Variants in PGS1 observed in about 807,000 individuals in gnomAD.
PGS1 encodes the protein phosphatidylglycerophosphate synthase 1.
PGS1 carries 44 observed loss-of-function variants against 58.3 expected under a neutral mutation model. That is an observed-to-expected ratio of 0.75 (90% CI 0.59 to 0.97). PGS1 has a LOEUF of 0.97. PGS1 is among the 50% of genes least tolerant of loss of function. The pLI, the probability that PGS1 is intolerant of heterozygous loss-of-function variation, is 0.00. For synonymous variants in PGS1, 330 were observed against 311.0 expected (o/e 1.06, Z -0.64); for missense variants, 684 against 731.1 (o/e 0.94, Z 0.74).
At chr17:78,419,513 T>TCCTCACTATTCCTGTCTGTTCCTCTTC in intron 8 of PGS1, 33 bp from the exon 9 acceptor site, 1 of 1,593,158 alleles carries the variant, frequency 6.3e-7, no homozygotes, top group Non-Finnish European at 8.6e-7. Context: ...TGGAGGGGAC[T>TCCTCACTATTCCTGTCTGTTCCTCTTC]CCTCACTATT....
chr17:78,387,235 C>G (rs1172715885), intron 1 of PGS1, among the ~76,000 whole-genome samples: 1 of 151,634 alleles, frequency 6.6e-6, no homozygotes, highest in Admixed American at 6.6e-5. Flanking sequence ...ATCTCCTGGC[C>G]TCAGGTGATC....
chr17:78,409,592 A>G (rs1038743783), intron 7 of PGS1, among the ~76,000 whole-genome samples: 3 of 152,208 alleles, frequency 2.0e-5, no homozygotes, highest in Non-Finnish European at 4.4e-5. Flanking sequence ...CAGGCTGAGC[A>G]CACACACCAG....
At position 78,398,264 on chromosome 17, in the gene PGS1, G is replaced by A; in HGVS notation, c.424G>A (p.Glu142Lys). ...TCTTTCTTGGTAGGTGGACTGCCTG[G>A]AAAGTACTCTAGAAAAGTCACTCCA... The part of the protein sequence containing the change: ...PLEQELVDCL[E>K]STLEKSLQAK... Residue 142 changes from glutamate (E) to lysine (K), a missense_variant, in exon 4 of 10, where the codon GAA (glutamate) becomes AAA (lysine). Coordinates refer to ENST00000262764, the MANE Select transcript of PGS1 (RefSeq NM_024419.5). 6.2e-7 allele frequency: 1 copy of A among 1,612,156 alleles called. No homozygotes were observed. The highest frequency in any genetic ancestry group is 8.5e-7 in the Non-Finnish European group (1 of 1,178,230).
At chr17:78,412,241 A>C (rs1016926075) in intron 7 of PGS1, among the ~76,000 whole-genome samples, 2 of 152,114 alleles carry the variant, frequency 1.3e-5, no homozygotes, top group African/African-American at 4.8e-5. Context: ...AGAGGGCATC[A>C]GACTGGCCTG....
intron 1 of PGS1, among the ~76,000 whole-genome samples, chr17:78,380,369 G>A (rs1263694972): frequency 1.3e-5 from 2 of 152,142 alleles, no homozygotes; most frequent in African/African-American, 4.8e-5. Context: ...ACAGAAAAGA[G>A]CTTGCTTCAT....
chr17:78,381,335 A>G (rs1340058020), intron 1 of PGS1, among the ~76,000 whole-genome samples: 1 of 152,200 alleles, frequency 6.6e-6, no homozygotes, highest in Non-Finnish European at 1.5e-5. Context: ...CTTGGGCATT[A>G]AGACAGAAGT....
At chr17:78,397,499 C>T (rs1443884846) in intron 3 of PGS1, among the ~76,000 whole-genome samples, 1 of 147,336 alleles carries the variant, frequency 6.8e-6, no homozygotes, top group Non-Finnish European at 1.5e-5. Context: ...TGCAATGGCG[C>T]GATCTCGGCT....
At chr17:78,411,883 CAG>C (rs1428190447) in intron 7 of PGS1, among the ~76,000 whole-genome samples, 2 of 131,370 alleles carry the variant, frequency 1.5e-5, no homozygotes, top group African/African-American at 5.7e-5. Flanking sequence ...GGAGATGAAA[CAG>C]AACTAAAGGG....
intron 7 of PGS1, among the ~76,000 whole-genome samples, chr17:78,410,420 C>T (rs2084546361): frequency 1.4e-5 from 2 of 145,712 alleles, no homozygotes; most frequent in Admixed American, 6.8e-5. Flanking sequence ...CAAGACGAAA[C>T]TCTGTCTCAA....
At chr17:78,386,978 ATGG>A (rs375113265) in intron 1 of PGS1, among the ~76,000 whole-genome samples, 19,030 of 150,726 alleles carry the variant, frequency 0.13, 1,244 homozygotes, top group African/African-American at 0.17. Context: ...GATGATGATG[ATGG>A]TGATGATGGT....
At chr17:78,413,009 T>C (rs1349831855) in intron 7 of PGS1, among the ~76,000 whole-genome samples, 1 of 152,032 alleles carries the variant, frequency 6.6e-6, no homozygotes, top group African/African-American at 2.4e-5. Flanking sequence ...TGGACCAACC[T>C]GGGCAGCGTG....
intron 3 of PGS1, among the ~76,000 whole-genome samples, chr17:78,397,774 C>A (rs1325416940): frequency 6.6e-6 from 1 of 152,194 alleles, no homozygotes; most frequent in African/African-American, 2.4e-5. Flanking sequence ...CACTCCAAGC[C>A]TGGAAGCCTG....
chr17:78,387,439 A>G (rs1476012028), intron 1 of PGS1, among the ~76,000 whole-genome samples: 3 of 149,890 alleles, frequency 2.0e-5, no homozygotes, highest in Non-Finnish European at 3.0e-5. Flanking sequence ...AGCTGGGATT[A>G]CAGGCATGTG....
At chr17:78,423,969 C>T (rs757406187) in intron 9 of PGS1, 92 bp from the exon 10 acceptor site, 1 of 1,614,008 alleles carries the variant, frequency 6.2e-7, no homozygotes, top group Admixed American at 1.7e-5. Flanking sequence ...CTTTGGTCTT[C>T]AAGTTAAAGG....
intron 7 of PGS1, among the ~76,000 whole-genome samples, chr17:78,408,412 C>CG (rs1356410986): frequency 6.6e-6 from 1 of 152,052 alleles, no homozygotes; most frequent in African/African-American, 2.4e-5. Flanking sequence ...CCTGTGCAGT[C>CG]GGGGGGATGG....
chr17:78,405,133 G>A (rs1222545630), intron 7 of PGS1, among the ~76,000 whole-genome samples: 1 of 151,776 alleles, frequency 6.6e-6, no homozygotes, highest in Admixed American at 6.6e-5. Flanking sequence ...TAGTAGCTGA[G>A]ATTACAGGCA....
intron 2 of PGS1, among the ~76,000 whole-genome samples, chr17:78,393,260 CTG>C (rs1243239927): frequency 6.6e-6 from 1 of 151,850 alleles, no homozygotes; most frequent in African/African-American, 2.4e-5. Context: ...TGGGGTTTCA[CTG>C]TGTTAGCCAG....
rs546624899 is a variant in PGS1 at position 78,423,204 on chromosome 17, T to C, written c.*11-857T>C. 1.8e-4 allele frequency among the ~76,000 whole-genome samples: 27 copies of C among 151,996 alleles called. 1 individual carries two copies. In the East Asian group the frequency reaches 5.2e-3, roughly 29 times the overall value. On this transcript the variant is annotated intron_variant, in intron 9 of 9. Coordinates refer to ENST00000262764, the MANE Select transcript of PGS1 (RefSeq NM_024419.5). ...CCTCATCCCCCAGGTTGCTAGTTAA[T>C]TCTCTCCCCTCGTGCCTGCACCCTG...
intron 1 of PGS1, chr17:78,382,555 A>T (rs952049999): frequency 6.6e-6 from 1 of 150,644 alleles, no homozygotes; most frequent in Non-Finnish European, 1.5e-5. Context: ...TGTCCAGTTG[A>T]CTGTGGCAGA....
Sources: gnomAD v4.1 joint callset for allele counts (sites outside exome capture counted in the v4.1 genomes callset) on GRCh38, gnomAD v4.1.1 for gene constraint, MANE v1.5 for transcripts, NCBI Gene and HGNC (gene_info 2026-07-23, HGNC 2026-07-21) for gene names.